ZMYND8: variants seen among roughly 807,000 people sequenced by gnomAD.
The protein encoded by ZMYND8 is MYND-type zinc finger-containing chromatin reader ZMYND8.
In ZMYND8, 37 loss-of-function variants were observed where a neutral mutation model predicts 140.8. The ratio of observed to expected loss-of-function variants is 0.26; its 90% CI spans 0.20 to 0.35. ZMYND8 has a LOEUF of 0.35. ZMYND8 is among the 10% of genes least tolerant of loss of function. The probability of loss-of-function intolerance (pLI) is 1.00; values close to 1 mark genes in which losing one functional copy is unlikely to be tolerated. For synonymous variants in ZMYND8, 592 were observed against 597.1 expected (o/e 0.99, Z 0.12); for missense variants, 1,068 against 1,570.0 (o/e 0.68, Z 5.40).
At chr20:47,324,319 C>A (rs556086320) in intron 2 of ZMYND8, among the ~76,000 whole-genome samples, 36 of 151,872 alleles carry the variant, frequency 2.4e-4, no homozygotes, top group Admixed American at 5.9e-4. Context: ...GAGTTCGAGA[C>A]CAGCCAGGCC....
intron 21 of ZMYND8, among the ~76,000 whole-genome samples, chr20:47,214,965 C>T (rs745628979): frequency 2.0e-5 from 3 of 152,190 alleles, no homozygotes; most frequent in Admixed American, 1.3e-4. Flanking sequence ...TGCCTATGAT[C>T]CCAGCTACTC....
At chr20:47,271,473 T>C (rs758138957) in intron 11 of ZMYND8, among the ~76,000 whole-genome samples, 1 of 152,196 alleles carries the variant, frequency 6.6e-6, no homozygotes, top group Non-Finnish European at 1.5e-5. Context: ...AAGCACACGA[T>C]GTGTAACAGG....
chr20:47,281,564 G>A (rs762144583), intron 10 of ZMYND8, among the ~76,000 whole-genome samples: 6 of 152,142 alleles, frequency 3.9e-5, no homozygotes, highest in Non-Finnish European at 7.3e-5. Flanking sequence ...TGCCGTGTAC[G>A]GAGGGAAAGG....
chr20:47,268,433 A>T (rs2075697244), intron 11 of ZMYND8, among the ~76,000 whole-genome samples: 1 of 150,994 alleles, frequency 6.6e-6, no homozygotes, highest in Non-Finnish European at 1.5e-5. Flanking sequence ...AGCTGGGATT[A>T]CAGGCGCCCG....
At chr20:47,335,299 ATAAAGG>A (rs1047481551) in intron 2 of ZMYND8, among the ~76,000 whole-genome samples, 15 of 152,074 alleles carry the variant, frequency 9.9e-5, no homozygotes, top group Non-Finnish European at 1.9e-4. Flanking sequence ...TTATATGTCA[ATAAAGG>A]TATTTTTTTT....
rs1261704161 is a variant in ZMYND8 at position 47,349,763 on chromosome 20, A to G, written c.15-1837T>C. 10 of 1,475,724 alleles carry G rather than the reference A, an allele frequency of 6.8e-6. No homozygotes were observed. The African/African-American group carries it at 9.9e-5, about 15-fold the overall frequency. The allele number at this position is 1,475,724 out of a possible 1,614,324, so 91.4% of individuals were successfully genotyped here. ...TTCTAAACTTCTTGAAACCGATCCC[A>G]TATTTTGAGTAATAGAGAAAACGCT... On this transcript the variant is annotated intron_variant, in intron 1 of 22. Transcript: ENST00000471951.
chr20:47,336,841 A>G (rs543711164), intron 2 of ZMYND8, among the ~76,000 whole-genome samples: 3 of 152,170 alleles, frequency 2.0e-5, no homozygotes, highest in Non-Finnish European at 4.4e-5. Flanking sequence ...GTCAGCAATC[A>G]GATGGAGGCA....
chr20:47,239,034 C>G lies in ZMYND8; in HGVS notation c.2389G>C (p.Ala797Pro). The G allele has an allele frequency of 6.3e-7, 1 of 1,587,250 alleles. No individual in the cohort carries two copies. The highest frequency in any genetic ancestry group is 1.1e-5 in the South Asian group (1 of 88,418). Reference sequence around the variant, plus strand: ...ACCGTGGAGGACGTGCTGGTGGTGGCTGTGGCGCCAGCCGCGGAAGTTTGG... The same window carrying G: ...ACCGTGGAGGACGTGCTGGTGGTGGGTGTGGCGCCAGCCGCGGAAGTTTGG... ...SAQTSAAGAT[A>P]TTSTSSTVTV... The change falls in exon 15 of 23, where the codon GCC becomes CCC. Residue 797 changes from alanine to proline, a missense_variant. Physicochemically the swap from Ala to Pro is conservative, Grantham distance 27. This residue lies in a region of ZMYND8 where 383 missense variants were observed against 431.2 expected (regional missense o/e 0.89). Coordinates refer to ENST00000471951, the MANE Select transcript of ZMYND8 (RefSeq NM_001281775.3).
intron 12 of ZMYND8, among the ~76,000 whole-genome samples, chr20:47,257,972 C>T (rs1439857063): frequency 6.6e-6 from 1 of 152,174 alleles, no homozygotes; most frequent in Non-Finnish European, 1.5e-5. Context: ...ATCCTCCTGC[C>T]TCAGCCTCCC....
chr20:47,274,061 T>C (rs2076115668), intron 11 of ZMYND8, among the ~76,000 whole-genome samples: 1 of 100,530 alleles, frequency 9.9e-6, no homozygotes, highest in African/African-American at 5.0e-5. Context: ...TAAAAAGCAC[T>C]CAAAGAATGA....
intron 3 of ZMYND8, among the ~76,000 whole-genome samples, chr20:47,304,277 G>A (rs978311737): frequency 4.6e-5 from 7 of 152,190 alleles, no homozygotes; most frequent in Non-Finnish European, 8.8e-5. Flanking sequence ...TTTGCTTCTG[G>A]AATACCTTCA....
At chr20:47,282,037 T>C (rs2076638491) in intron 10 of ZMYND8, 65 bp downstream of exon 10, 1 of 1,309,164 alleles carries the variant, frequency 7.6e-7, no homozygotes, top group Non-Finnish European at 1.1e-6. Flanking sequence ...ACTTCTTTTC[T>C]TATCTCATAA....
intron 12 of ZMYND8, among the ~76,000 whole-genome samples, chr20:47,255,740 A>ATATATATATATATATATATATATATACGG (rs2074615545): frequency 2.9e-5 from 1 of 34,872 alleles, no homozygotes; most frequent in South Asian, 9.9e-4. Flanking sequence ...ATATATATAT[A>ATATATATATATATATATATATATATACGG]TATATATATA....
intron 18 of ZMYND8, among the ~76,000 whole-genome samples, chr20:47,225,598 G>GGAGGGGAATGAAGGGGAATGA (rs2037597983): frequency 5.5e-4 from 24 of 43,426 alleles, no homozygotes; most frequent in South Asian, 1.3e-3. Context: ...GAAGGGGAAG[G>GGAGGGGAATGAAGGGGAATGA]AGGGGATGGG....
chr20:47,309,968 G>A, intron 3 of ZMYND8, 88 bp downstream of exon 3: 1 of 1,559,828 alleles, frequency 6.4e-7, no homozygotes, highest in Non-Finnish European at 8.7e-7. Flanking sequence ...ATCCAAGAAA[G>A]CCGGCGCTTA....
intron 16 of ZMYND8, among the ~76,000 whole-genome samples, chr20:47,232,897 G>GTTTTTTTTT (rs144707608): frequency 6.1e-4 from 43 of 70,120 alleles, no homozygotes; most frequent in African/African-American, 1.7e-3. Context: ...GTTTTTTTTT[G>GTTTTTTTTT]TTTTTTTTGT....
In ZMYND8 at chr20:47,294,653, A is replaced by G. The variant is rs202187407; in HGVS notation, c.567+13T>C. The G allele has an allele frequency of 1.6e-4, 265 of 1,610,562 alleles. No homozygotes were observed. In the African/African-American group the frequency reaches 2.8e-3, roughly 17 times the overall value. On this transcript the variant is annotated intron_variant, in intron 5 of 22. Transcript: ENST00000471951. The stretch of plus-strand genomic sequence containing the variant: ...TTCATTTACGCGTATACCAAGAGGA[A>G]CTTTCTTCTTACCCCTGGCTGTTTC...
At position 47,223,695 on chromosome 20, in the gene ZMYND8, A is replaced by G. The variant is rs1231806687; in HGVS notation, c.3256+622T>C. Among the ~76,000 whole-genome samples the G allele has an allele frequency of 3.3e-5, 5 of 149,478 alleles. No homozygotes were observed. The East Asian group carries it at 1.0e-3, about 31-fold the overall frequency. ...CTAAAAATTAGCCGGGCATAGTGGC[A>G]TATTTCTGTAATCCCAGCTACTCGG... On this transcript the variant is annotated intron_variant, in intron 19 of 22. Transcript: ENST00000471951.
intron 2 of ZMYND8, among the ~76,000 whole-genome samples, chr20:47,330,141 G>C (rs1350217033): frequency 6.6e-6 from 1 of 152,116 alleles, no homozygotes; most frequent in Non-Finnish European, 1.5e-5. Context: ...GGTCAGTCTG[G>C]AAGGCAATGC....
Sources: gnomAD v4.1 joint callset for allele counts (sites outside exome capture counted in the v4.1 genomes callset) on GRCh38, gnomAD v4.1.1 for gene constraint, gnomAD v4.1.1 regional missense constraint, MANE v1.5 for transcripts, NCBI Gene and HGNC (gene_info 2026-07-23, HGNC 2026-07-21) for gene names.